The following MECOM variants were observed in gnomAD, a reference collection of about 807,000 sequenced individuals.
The protein encoded by MECOM is MDS1 and EVI1 complex locus.
MECOM carries 13 observed loss-of-function variants against 116.3 expected under a neutral mutation model. The ratio of observed to expected loss-of-function variants is 0.11; its 90% CI spans 0.07 to 0.18. The LOEUF (loss-of-function observed/expected upper bound fraction) is 0.18. Among genes scored for constraint, MECOM ranks in the 10% least tolerant of loss-of-function variants. The pLI, the probability that MECOM is intolerant of heterozygous loss-of-function variation, is 1.00. For synonymous variants in MECOM, 528 were observed against 535.2 expected, an observed-to-expected ratio of 0.99 and a Z score of 0.19; for missense variants, 1,299 against 1,509.0, an observed-to-expected ratio of 0.86 and a Z score of 2.31.
At chr3:169,384,559 A>G (rs1371174771) in intron 1 of MECOM, among the ~76,000 whole-genome samples, 2 of 152,188 alleles carry the variant, frequency 1.3e-5, no homozygotes, top group Non-Finnish European at 2.9e-5. Context: ...TGCAAATGCA[A>G]AGTTATTTTA....
intron 1 of MECOM, chr3:169,477,094 TG>T (rs1750528002): frequency 1.8e-5 from 1 of 54,112 alleles, no homozygotes. Context: ...TGTGTGTGTG[TG>T]TGTGTGTGTG....
At chr3:169,121,321 C>T in intron 6 of MECOM, 112 bp from the exon 7 acceptor site, 1 of 1,159,138 alleles carries the variant, frequency 8.6e-7, no homozygotes. Flanking sequence ...TTTTCTTTTC[C>T]CCAAAGACCA....
intron 1 of MECOM, among the ~76,000 whole-genome samples, chr3:169,596,970 G>A (rs1028644994): frequency 1.3e-5 from 2 of 152,110 alleles, no homozygotes; most frequent in South Asian, 4.1e-4. Context: ...AAGTTTCTTA[G>A]GACAATGAAA....
intron 1 of MECOM, among the ~76,000 whole-genome samples, chr3:169,568,599 C>T (rs1560443060): frequency 6.6e-6 from 1 of 152,148 alleles, no homozygotes; most frequent in Non-Finnish European, 1.5e-5. Flanking sequence ...AACAAAGCCA[C>T]CAGGAACTTC....
At chr3:169,347,628 A>G (rs1424836714) in intron 2 of MECOM, among the ~76,000 whole-genome samples, 2 of 152,092 alleles carry the variant, frequency 1.3e-5, no homozygotes, top group African/African-American at 4.8e-5. Flanking sequence ...CTACAAGAGA[A>G]GTTATCTACC....
Position 169,116,686 on chromosome 3 carries a change from G to A in MECOM, c.1186C>T (p.Arg396Cys). The A allele has an allele frequency of 6.2e-7, 1 of 1,613,914 alleles. No individual in the cohort carries two copies. Among genetic ancestry groups the A allele is most frequent in the Non-Finnish European group, 8.5e-7 (1 of 1,179,932 alleles). ...TGGGTTCTGCAATCAGCATGCATGC[G>A]CTTATGACGGCAAAGGTTTGAAAAC... The part of the protein sequence containing the change: ...TQFSNLCRHK[R>C]MHADCRTQIK... The change falls in exon 8 of 17, where the codon CGC becomes TGC. Residue 396 changes from arginine to cysteine, a missense_variant. Physicochemically the swap from Arg to Cys is radical, Grantham distance 180. Around this residue, in one of 6 missense-constraint regions of MECOM, gnomAD observed 42 missense variants for 103.9 expected, o/e 0.40. Coordinates refer to ENST00000651503, the MANE Select transcript of MECOM (RefSeq NM_004991.4).
intron 2 of MECOM, among the ~76,000 whole-genome samples, chr3:169,316,533 C>A (rs987364817): frequency 6.6e-6 from 1 of 152,090 alleles, no homozygotes; most frequent in South Asian, 2.1e-4. Flanking sequence ...TCACATATGT[C>A]AAACATTTGT....
At chr3:169,342,881 C>A (rs1724770919) in intron 2 of MECOM, among the ~76,000 whole-genome samples, 1 of 152,128 alleles carries the variant, frequency 6.6e-6, no homozygotes, top group African/African-American at 2.4e-5. Context: ...AGTGGGGATT[C>A]GTCCAGCCAG....
chr3:169,425,961 A>G (rs1471756373), intron 1 of MECOM, among the ~76,000 whole-genome samples: 1 of 152,226 alleles, frequency 6.6e-6, no homozygotes, highest in African/African-American at 2.4e-5. Context: ...AGATGAAAAG[A>G]TAACACATGG....
At chr3:169,126,876 C>G (rs1475775647) in intron 5 of MECOM, among the ~76,000 whole-genome samples, 2 of 152,072 alleles carry the variant, frequency 1.3e-5, no homozygotes, top group African/African-American at 4.8e-5. Flanking sequence ...TGAAGTTGGA[C>G]TGTCAAAGAC....
chr3:169,308,383 G>A (rs1221972451), intron 2 of MECOM, among the ~76,000 whole-genome samples: 1 of 152,184 alleles, frequency 6.6e-6, no homozygotes, highest in Non-Finnish European at 1.5e-5. Context: ...TAAATTGGGA[G>A]TTATAAGGAA....
At chr3:169,097,817 T>TAACAAAAAAAAAAA (rs1722141184) in intron 12 of MECOM, among the ~76,000 whole-genome samples, 1 of 87,194 alleles carries the variant, frequency 1.1e-5, no homozygotes, top group African/African-American at 3.9e-5. Flanking sequence ...ACTGTCTATA[T>TAACAAAAAAAAAAA]AAAAAAAAAA....
chr3:169,661,305 T>TC (rs570611202), intron 1 of MECOM, among the ~76,000 whole-genome samples: 1,433 of 41,126 alleles, frequency 0.035, 9 homozygotes, highest in South Asian at 0.051. Flanking sequence ...TCCCGCCAAC[T>TC]CCCCCCCCCA....
chr3:169,149,674 A>G (rs370527827), intron 2 of MECOM: 2 of 496,614 alleles, frequency 4.0e-6, no homozygotes, highest in Non-Finnish European at 4.0e-6. Flanking sequence ...GCCTGAGAGA[A>G]GGCTATTCCT....
intron 2 of MECOM, among the ~76,000 whole-genome samples, chr3:169,366,215 A>G (rs966874845): frequency 5.3e-5 from 8 of 151,936 alleles, no homozygotes; most frequent in African/African-American, 1.9e-4. Context: ...GGGAGATTCC[A>G]GGAAGATGGA....
intron 2 of MECOM, among the ~76,000 whole-genome samples, chr3:169,257,637 C>A (rs1757009826): frequency 6.6e-6 from 1 of 152,152 alleles, no homozygotes; most frequent in African/African-American, 2.4e-5. Flanking sequence ...GGGGCTATGG[C>A]AACTCAGCCA....
chr3:169,202,575 A>G (rs1749305307), intron 2 of MECOM, among the ~76,000 whole-genome samples: 1 of 152,092 alleles, frequency 6.6e-6, no homozygotes, highest in Non-Finnish European at 1.5e-5. Flanking sequence ...TTTTAATCCA[A>G]TGTAGTGACA....
chr3:169,328,981 C>T (rs1722302879), intron 2 of MECOM, among the ~76,000 whole-genome samples: 1 of 152,172 alleles, frequency 6.6e-6, no homozygotes, highest in South Asian at 2.1e-4. Context: ...CTGTACGGAA[C>T]CTACTGGTAG....
chr3:169,115,333 C>T, intron 8 of MECOM, 50 bp downstream of exon 8: 2 of 1,556,514 alleles, frequency 1.3e-6, no homozygotes. Flanking sequence ...AGTGGAAATA[C>T]CGCCTTTCAT....
Sources: gnomAD v4.1 joint callset for allele counts (sites outside exome capture counted in the v4.1 genomes callset) on GRCh38, gnomAD v4.1.1 for gene constraint, gnomAD v4.1.1 regional missense constraint, MANE v1.5 for transcripts, NCBI Gene and HGNC (gene_info 2026-07-23, HGNC 2026-07-21) for gene names.